Variants in RFTN2 observed in about 807,000 individuals in gnomAD.
RFTN2 encodes the protein raftlin family member 2.
A neutral mutation model predicts 52.7 loss-of-function variants in RFTN2; 34 were observed. That is an observed-to-expected ratio of 0.64 (90% CI 0.49 to 0.86). The LOEUF is 0.86. Ranked by LOEUF, RFTN2 falls within the 40% of genes least tolerant of loss-of-function variation. The pLI is 0.00. For synonymous variants in RFTN2, 203 were observed against 217.7 expected, an observed-to-expected ratio of 0.93 and a Z score of 0.59; for missense variants, 536 against 600.1, an observed-to-expected ratio of 0.89 and a Z score of 1.12.
At chr2:197,664,781 T>C (rs935124665) in intron 1 of RFTN2, among the ~76,000 whole-genome samples, 7 of 152,154 alleles carry the variant, frequency 4.6e-5, no homozygotes, top group African/African-American at 1.2e-4. Flanking sequence ...CGAGAACTTA[T>C]CTCAAAAAAA....
intron 5 of RFTN2, among the ~76,000 whole-genome samples, chr2:197,627,199 A>G (rs900267389): frequency 2.6e-5 from 4 of 152,080 alleles, no homozygotes. Flanking sequence ...TCCGGCCTAG[A>G]ATGGCCTACC....
intron 8 of RFTN2, among the ~76,000 whole-genome samples, chr2:197,572,566 C>G (rs1559333988): frequency 6.6e-6 from 1 of 152,154 alleles, no homozygotes. Flanking sequence ...AGTGACATCT[C>G]TAAGGAAGGA....
At chr2:197,642,218 C>T (rs771722589) in intron 3 of RFTN2, among the ~76,000 whole-genome samples, 10 of 152,120 alleles carry the variant, frequency 6.6e-5, no homozygotes, top group South Asian at 6.2e-4. Flanking sequence ...TAGTATTTAA[C>T]GCTTGGAAAC....
At chr2:197,599,367 C>T (rs941899748) in intron 7 of RFTN2, among the ~76,000 whole-genome samples, 2 of 152,152 alleles carry the variant, frequency 1.3e-5, no homozygotes, top group African/African-American at 4.8e-5. Context: ...TATTCCTGAC[C>T]TGACTTGTCT....
At chr2:197,606,597 AT>A (rs2087965163) in intron 7 of RFTN2, among the ~76,000 whole-genome samples, 1 of 152,078 alleles carries the variant, frequency 6.6e-6, no homozygotes, top group Non-Finnish European at 1.5e-5. Context: ...AAGGACTAAT[AT>A]CCAGAATCTA....
chr2:197,660,459 T>C (rs1331171453), intron 1 of RFTN2, among the ~76,000 whole-genome samples: 1 of 152,210 alleles, frequency 6.6e-6, no homozygotes, highest in Non-Finnish European at 1.5e-5. Flanking sequence ...TAAAAATTAA[T>C]TCATAGTATT....
At chr2:197,674,469 A>G (rs948985105) in intron 1 of RFTN2, among the ~76,000 whole-genome samples, 1 of 151,884 alleles carries the variant, frequency 6.6e-6, no homozygotes, top group African/African-American at 2.4e-5. Flanking sequence ...GTGGCTCATT[A>G]GAATTAAAAA....
intron 5 of RFTN2, among the ~76,000 whole-genome samples, chr2:197,623,055 G>T (rs1185022426): frequency 6.6e-6 from 1 of 152,210 alleles, no homozygotes; most frequent in African/African-American, 2.4e-5. Flanking sequence ...CATCCATTCT[G>T]CAGCCCATGG....
intron 8 of RFTN2, among the ~76,000 whole-genome samples, chr2:197,583,313 G>T (rs2087541216): frequency 6.6e-6 from 1 of 152,166 alleles, no homozygotes; most frequent in African/African-American, 2.4e-5. Context: ...ATACCTCTTG[G>T]TCTGGGTAGA....
At chr2:197,609,274 C>T (rs2088016052) in intron 7 of RFTN2, among the ~76,000 whole-genome samples, 1 of 152,196 alleles carries the variant, frequency 6.6e-6, no homozygotes, top group South Asian at 2.1e-4. Flanking sequence ...CCCTATTTCT[C>T]CACATCTTCT....
intron 7 of RFTN2, among the ~76,000 whole-genome samples, chr2:197,609,572 A>G (rs2088020976): frequency 1.3e-5 from 2 of 152,034 alleles, no homozygotes; most frequent in African/African-American, 2.4e-5. Flanking sequence ...TTTTCTCCCA[A>G]TCTGTAAGTT....
chr2:197,589,047 C>T (rs1022544980), intron 8 of RFTN2, among the ~76,000 whole-genome samples: 22 of 151,812 alleles, frequency 1.4e-4, no homozygotes, highest in African/African-American at 5.3e-4. Context: ...ATAGTGAAAC[C>T]CCATCTCTAC....
intron 7 of RFTN2, 110 bp downstream of exon 7, chr2:197,615,766 T>C (rs1158864675): frequency 1.6e-6 from 1 of 629,070 alleles, no homozygotes; most frequent in Non-Finnish European, 2.8e-6. Context: ...CGAAGCTCAG[T>C]GTAATGTTTT....
intron 1 of RFTN2, among the ~76,000 whole-genome samples, chr2:197,672,380 T>C (rs1457815720): frequency 6.6e-6 from 1 of 152,180 alleles, no homozygotes; most frequent in Admixed American, 6.5e-5. Flanking sequence ...AAGAAAAATG[T>C]GTATGAACCT....
chr2:197,623,066 A>T (rs1289319030), intron 5 of RFTN2, among the ~76,000 whole-genome samples: 1 of 152,246 alleles, frequency 6.6e-6, no homozygotes, highest in East Asian at 1.9e-4. Context: ...CAGCCCATGG[A>T]TCAAGGAGCC....
At chr2:197,629,700 A>ACACACACACATT (rs1553602918) in intron 5 of RFTN2, among the ~76,000 whole-genome samples, 3 of 109,312 alleles carry the variant, frequency 2.7e-5, no homozygotes, top group Admixed American at 9.9e-5. Context: ...ACACACACAC[A>ACACACACACATT]TATTTATTTT....
intron 8 of RFTN2, among the ~76,000 whole-genome samples, chr2:197,574,855 A>G (rs2087385986): frequency 6.8e-6 from 1 of 147,434 alleles, no homozygotes; most frequent in Non-Finnish European, 1.5e-5. Flanking sequence ...GCAACAAGAG[A>G]AAGACTCCAT....
chr2:197,621,325 T>G (rs1227608617), intron 5 of RFTN2, among the ~76,000 whole-genome samples: 1 of 152,086 alleles, frequency 6.6e-6, no homozygotes, highest in Non-Finnish European at 1.5e-5. Context: ...GTTTTCTTGC[T>G]CTCAATATTG....
chr2:197,571,947 G>T lies in RFTN2; in HGVS notation c.*61C>A. The T allele has an allele frequency of 5.9e-6, 9 of 1,514,788 alleles. No homozygotes were observed. Among genetic ancestry groups the T allele is most frequent in the South Asian group, 1.2e-5 (1 of 86,798 alleles). 93.8% of individuals were successfully genotyped at this position (1,514,788 alleles called of 1,614,324 possible). A position where few individuals can be genotyped will look rare whatever the true frequency, so the allele number is the denominator to read the frequency against. On this transcript the variant is annotated 3_prime_UTR_variant, in exon 9 of 9. Transcript: ENST00000295049. ...AAATGCAGAGAAAGTAATACAATAA[G>T]GTCAGTTGGCAATGATTTTAACAAT...
Sources: gnomAD v4.1 joint callset for allele counts (sites outside exome capture counted in the v4.1 genomes callset) on GRCh38, gnomAD v4.1.1 for gene constraint, MANE v1.5 for transcripts, NCBI Gene and HGNC (gene_info 2026-07-23, HGNC 2026-07-21) for gene names.